DOCK2: variants seen among roughly 807,000 people sequenced by gnomAD.
DOCK2 encodes the protein dedicator of cytokinesis protein 2.
A neutral mutation model predicts 248.9 loss-of-function variants in DOCK2; 87 were observed. The ratio of observed to expected loss-of-function variants is 0.35; its 90% CI spans 0.29 to 0.42. DOCK2 has a LOEUF of 0.42. Among genes scored for constraint, DOCK2 ranks in the 10% least tolerant of loss-of-function variants. The pLI, the probability that DOCK2 is intolerant of heterozygous loss-of-function variation, is 1.00. For synonymous variants in DOCK2, 805 were observed against 821.6 expected, an observed-to-expected ratio of 0.98 and a Z score of 0.35; for missense variants, 1,747 against 2,300.2, an observed-to-expected ratio of 0.76 and a Z score of 4.92.
chr5:170,067,819 T>G, intron 45 of DOCK2, 133 bp downstream of exon 45: 1 of 996,704 alleles, frequency 1.0e-6, no homozygotes, highest in South Asian at 1.7e-5. Context: ...GACCCTCAGC[T>G]TGGTTGGCCC....
At chr5:170,082,155 G>A (rs1156612481) in intron 51 of DOCK2, among the ~76,000 whole-genome samples, 171 bp downstream of exon 51, 2 of 152,134 alleles carry the variant, frequency 1.3e-5, no homozygotes, top group Admixed American at 1.3e-4. Context: ...CCAGAGGGCA[G>A]TTCTCCTCTG....
At chr5:169,667,825 A>G (rs1011598824) in intron 2 of DOCK2, among the ~76,000 whole-genome samples, 1 of 152,254 alleles carries the variant, frequency 6.6e-6, no homozygotes, top group Non-Finnish European at 1.5e-5. Flanking sequence ...ATTGTTAATT[A>G]TGGATTATTT....
In DOCK2 at chr5:169,708,181, G is replaced by T. The variant is rs200560235; in HGVS notation, c.1396G>T (p.Val466Leu). The change falls in exon 15 of 52, where the codon GTG becomes TTG. Residue 466 changes from valine (V) to leucine (L), a missense_variant. Val to Leu is a conservative substitution (Grantham distance 32). This residue lies in a region of DOCK2 where 858 missense variants were observed against 1,183.5 expected (regional missense o/e 0.72). Coordinates refer to ENST00000520908, the MANE Select transcript of DOCK2 (RefSeq NM_004946.3). ...TTTCTTGGGTCAGAATGCAATTTGC[G>T]TGGGAGCAGGGGACAAGCCCATGAA... ...DGKTLPNAICVGAGDKPMNEY... is the reference protein window; with the variant it reads ...DGKTLPNAICLGAGDKPMNEY... 9.9e-6 allele frequency: 16 copies of T among 1,613,764 alleles called. No individual in the cohort carries two copies. In the East Asian group the frequency reaches 2.7e-4, roughly 27 times the overall value.
intron 30 of DOCK2, among the ~76,000 whole-genome samples, chr5:170,002,074 C>G (rs1754853242): frequency 6.6e-6 from 1 of 152,078 alleles, no homozygotes; most frequent in Admixed American, 6.6e-5. Flanking sequence ...GGCAACCTGA[C>G]AGTATCTATA....
intron 1 of DOCK2, among the ~76,000 whole-genome samples, chr5:169,639,317 G>A (rs944882072): frequency 6.6e-6 from 1 of 152,224 alleles, no homozygotes; most frequent in African/African-American, 2.4e-5. Flanking sequence ...AGTGAAGAGA[G>A]CTTTCTCCTT....
intron 1 of DOCK2, among the ~76,000 whole-genome samples, chr5:169,638,476 A>G (rs922850426): frequency 1.3e-5 from 2 of 152,240 alleles, no homozygotes; most frequent in Non-Finnish European, 2.9e-5. Flanking sequence ...CTGGGAAGTC[A>G]GAACTGAGTT....
intron 20 of DOCK2, among the ~76,000 whole-genome samples, chr5:169,716,916 G>A (rs575093802): frequency 6.6e-6 from 1 of 152,270 alleles, no homozygotes; most frequent in South Asian, 2.1e-4. Context: ...ATGGATATTT[G>A]CATTTTTAAA....
intron 27 of DOCK2, among the ~76,000 whole-genome samples, chr5:169,853,553 G>A (rs1276889537): frequency 1.3e-5 from 2 of 152,138 alleles, no homozygotes; most frequent in South Asian, 4.1e-4. Flanking sequence ...TCTATGTAGA[G>A]AGAGGGTTGC....
chr5:169,694,889 T>G (rs1760523778), intron 9 of DOCK2, among the ~76,000 whole-genome samples: 1 of 152,068 alleles, frequency 6.6e-6, no homozygotes, highest in African/African-American at 2.4e-5. Flanking sequence ...GTGGGAGGAT[T>G]ATTTGAGCCT....
At chr5:169,691,348 G>A (rs1455290538) in intron 9 of DOCK2, among the ~76,000 whole-genome samples, 3 of 152,102 alleles carry the variant, frequency 2.0e-5, no homozygotes, top group Admixed American at 6.5e-5. Flanking sequence ...GATTTGGGTG[G>A]GGACAGTGAT....
chr5:169,698,413 G>T lies in DOCK2; in HGVS notation c.1019G>T (p.Ser340Ile). 1 of 1,614,136 alleles carries T rather than the reference G, an allele frequency of 6.2e-7. No homozygotes were observed. The highest frequency in any genetic ancestry group is 1.1e-5 in the South Asian group (1 of 91,092). ...GACATCATCAAGGGGAAAGCAGAGAGTGATGAAGAAAAGCAGCACTTCATT... is the reference window on the plus strand; with the variant it reads ...GACATCATCAAGGGGAAAGCAGAGATTGATGAAGAAAAGCAGCACTTCATT... ...ITDIIKGKAE[S>I]DEEKQHFIPF... The change falls in exon 11 of 52, where the codon AGT becomes ATT. Residue 340 changes from serine to isoleucine, a missense_variant. This residue lies in a region of DOCK2 where 375 missense variants were observed against 510.9 expected (regional missense o/e 0.73). Transcript: ENST00000520908.
At chr5:169,739,380 T>A (rs568146061) in intron 22 of DOCK2, among the ~76,000 whole-genome samples, 96 of 152,276 alleles carry the variant, frequency 6.3e-4, no homozygotes, top group African/African-American at 2.3e-3. Context: ...TATTCCCACA[T>A]GAGAATGAGA....
chr5:169,927,773 C>T (rs186602450), intron 27 of DOCK2, among the ~76,000 whole-genome samples: 31 of 152,260 alleles, frequency 2.0e-4, no homozygotes, highest in African/African-American at 5.8e-4. Context: ...CCCGCCACCA[C>T]GCCTGGCTAA....
Position 170,083,249 on chromosome 5 carries a change from T to A in DOCK2, c.*391T>A, listed in dbSNP as rs1156889623. 3 of 165,370 alleles carry A rather than the reference T, an allele frequency of 1.8e-5. No homozygotes were observed. The highest frequency in any genetic ancestry group is 7.2e-5 in the African/African-American group (3 of 41,946). The allele number at this position is 165,370 out of a possible 1,614,324, so 10.2% of individuals were successfully genotyped here. ...AAGGAAGCCTTTTAAATATTCTTTT[T>A]AATTTTATTTTAGATTAACAGTTTT... is the stretch of plus-strand genomic sequence containing the variant. On this transcript the variant is annotated 3_prime_UTR_variant, in exon 52 of 52. Transcript: ENST00000520908.
At chr5:169,721,755 A>G (rs1762218315) in intron 22 of DOCK2, among the ~76,000 whole-genome samples, 1 of 152,236 alleles carries the variant, frequency 6.6e-6, no homozygotes, top group African/African-American at 2.4e-5. Flanking sequence ...GTCAGTATGC[A>G]ACGTATAGTT....
intron 14 of DOCK2, 102 bp from the exon 15 acceptor site, chr5:169,708,067 C>A: frequency 8.2e-7 from 1 of 1,217,888 alleles, no homozygotes; most frequent in Non-Finnish European, 1.2e-6. Flanking sequence ...GCAGGGTTGG[C>A]CCAGGCCCTA....
chr5:169,996,188 C>T (rs898462572), intron 30 of DOCK2, 24 bp downstream of exon 30: 7 of 1,611,376 alleles, frequency 4.3e-6, no homozygotes, highest in Non-Finnish European at 5.1e-6. Context: ...ACCAGAGCTA[C>T]CCTTGGAGCT....
intron 11 of DOCK2, among the ~76,000 whole-genome samples, chr5:169,699,108 A>G (rs1183745517): frequency 6.6e-6 from 1 of 152,232 alleles, no homozygotes; most frequent in East Asian, 1.9e-4. Context: ...GCAGATATGC[A>G]TGTTGAAAGC....
chr5:170,056,663 C>T, intron 42 of DOCK2, 21 bp from the exon 43 acceptor site: 1 of 1,612,324 alleles, frequency 6.2e-7, no homozygotes, highest in South Asian at 1.1e-5. Context: ...CCAGGAGCCT[C>T]AGCCTCTTCC....
Sources: gnomAD v4.1 joint callset for allele counts (sites outside exome capture counted in the v4.1 genomes callset) on GRCh38, gnomAD v4.1.1 for gene constraint, gnomAD v4.1.1 regional missense constraint, MANE v1.5 for transcripts, NCBI Gene and HGNC (gene_info 2026-07-23, HGNC 2026-07-21) for gene names.